Variants in USP54 observed in about 807,000 individuals in gnomAD.
USP54 encodes ubiquitin specific peptidase 54.
A neutral mutation model predicts 170.5 loss-of-function variants in USP54; 87 were observed. The observed-to-expected ratio is 0.51, with a 90% confidence interval of 0.43 to 0.61. The LOEUF (loss-of-function observed/expected upper bound fraction) is 0.61, where lower values mean the gene tolerates loss of function less well. Among genes scored for constraint, USP54 ranks in the 20% least tolerant of loss-of-function variants. USP54 has a pLI of 0.00. For synonymous variants in USP54, 655 were observed against 742.8 expected (o/e 0.88, Z 1.92); for missense variants, 1,786 against 2,047.8 (o/e 0.87, Z 2.47).
chr10:73,511,113 T>TTTG (rs1355542510), intron 20 of USP54, among the ~76,000 whole-genome samples: 4 of 150,732 alleles, frequency 2.7e-5, no homozygotes, highest in African/African-American at 9.8e-5. Flanking sequence ...TTTTTTTTTT[T>TTTG]TTTGAGACAG....
intron 12 of USP54, among the ~76,000 whole-genome samples, chr10:73,532,892 C>T (rs2133421187): frequency 6.6e-6 from 1 of 152,230 alleles, no homozygotes; most frequent in South Asian, 2.1e-4. Context: ...ATGCATAGAC[C>T]TCATTTAGAT....
At chr10:73,542,670 G>T (rs551014919) in intron 7 of USP54, 133 bp downstream of exon 7, 11 of 794,688 alleles carry the variant, frequency 1.4e-5, no homozygotes, top group Non-Finnish European at 2.2e-5. Flanking sequence ...GGCGGAGGTT[G>T]CAGTAAGCCG....
intron 11 of USP54, 136 bp downstream of exon 11, chr10:73,536,133 G>A (rs1230663878): frequency 8.1e-7 from 1 of 1,231,446 alleles, no homozygotes; most frequent in African/African-American, 1.5e-5. Context: ...GCACAAATTG[G>A]CACTTCTTTC....
chr10:73,563,970 A>G (rs2073721257), intron 4 of USP54, among the ~76,000 whole-genome samples: 1 of 149,716 alleles, frequency 6.7e-6, no homozygotes, highest in Admixed American at 6.7e-5. Flanking sequence ...AGGTCATGAT[A>G]CTCTCTCATA....
At chr10:73,620,753 C>G (rs1380660313) in intron 1 of USP54, among the ~76,000 whole-genome samples, 1 of 150,396 alleles carries the variant, frequency 6.6e-6, no homozygotes, top group African/African-American at 2.5e-5. Flanking sequence ...GCCTGCCCAA[C>G]ATGGTGAAAC....
upstream of USP54, among the ~76,000 whole-genome samples, chr10:73,593,130 G>T (rs1389748634): frequency 1.3e-5 from 2 of 152,030 alleles, no homozygotes; most frequent in Admixed American, 1.3e-4. Context: ...AGGCCATTGC[G>T]GGAGGATCAT....
chr10:73,613,445 AT>A (rs557903103), intron 1 of USP54, among the ~76,000 whole-genome samples: 2,316 of 144,608 alleles, frequency 0.016, 63 homozygotes, highest in African/African-American at 0.053. Context: ...GCCTACCACC[AT>A]TTTTTTTTTT....
intron 5 of USP54, among the ~76,000 whole-genome samples, chr10:73,544,756 C>T (rs2133549012): frequency 1.3e-5 from 2 of 152,126 alleles, no homozygotes; most frequent in South Asian, 4.2e-4. Context: ...CTGTGTCACC[C>T]AGGCTGGAGT....
At chr10:73,510,281 G>A (rs570700340) in intron 20 of USP54, among the ~76,000 whole-genome samples, 2 of 152,128 alleles carry the variant, frequency 1.3e-5, no homozygotes, top group East Asian at 3.9e-4. Flanking sequence ...GTTGCAGTGA[G>A]CCGAGACTGC....
At chr10:73,509,089 T>A (rs1428662114) in intron 20 of USP54, among the ~76,000 whole-genome samples, 9 of 64,494 alleles carry the variant, frequency 1.4e-4, no homozygotes, top group Admixed American at 8.0e-4. Context: ...GGAAAAAACA[T>A]AGGGTATCAT....
intron 12 of USP54, 106 bp from the exon 13 acceptor site, chr10:73,530,941 C>T (rs1330465387): frequency 2.7e-6 from 4 of 1,493,604 alleles, no homozygotes; most frequent in African/African-American, 1.4e-5. Context: ...TTAGAGTACC[C>T]ATGGAACAGA....
chr10:73,551,340 T>G (rs1190816095), intron 4 of USP54, among the ~76,000 whole-genome samples: 1 of 152,146 alleles, frequency 6.6e-6, no homozygotes, highest in Non-Finnish European at 1.5e-5. Flanking sequence ...TGGCTTAACC[T>G]AGAAATTTAT....
chr10:73,577,634 T>C (rs1365560575), intron 1 of USP54, among the ~76,000 whole-genome samples: 1 of 152,200 alleles, frequency 6.6e-6, no homozygotes, highest in Non-Finnish European at 1.5e-5. Flanking sequence ...TACAGAAAAG[T>C]AAAGAGAGGC....
At chr10:73,552,270 G>A (rs1056582824) in intron 4 of USP54, among the ~76,000 whole-genome samples, 32 of 152,086 alleles carry the variant, frequency 2.1e-4, no homozygotes, top group Admixed American at 7.9e-4. Flanking sequence ...AAAAGTAGCC[G>A]GGCGTTGCGG....
At chr10:73,577,958 T>G (rs879419335) in intron 1 of USP54, among the ~76,000 whole-genome samples, 1 of 152,178 alleles carries the variant, frequency 6.6e-6, no homozygotes, top group Non-Finnish European at 1.5e-5. Context: ...TGCAAAGGAA[T>G]GACAAGTACC....
chr10:73,505,139 T>C, intron 21 of USP54, 149 bp from the exon 22 acceptor site: 9 of 1,284,122 alleles, frequency 7.0e-6, no homozygotes, highest in Non-Finnish European at 9.8e-6. Context: ...ATAGTGGCCA[T>C]GTAACAATCT....
chr10:73,537,884 A>C (rs1039141142), intron 10 of USP54: 1 of 152,262 alleles, frequency 6.6e-6, no homozygotes, highest in Non-Finnish European at 1.5e-5. Context: ...TGCCTGAGGC[A>C]TGCCCAAGGA....
intron 5 of USP54, among the ~76,000 whole-genome samples, chr10:73,543,828 A>C (rs2067148479): frequency 6.6e-6 from 1 of 152,160 alleles, no homozygotes; most frequent in South Asian, 2.1e-4. Context: ...CATGCTAACC[A>C]TTTAGAGCCT....
rs2063774882 is a variant in USP54 at position 73,530,601 on chromosome 10, A to G, written c.1448-78T>C. On this transcript the variant is annotated intron_variant, in intron 13 of 23. Coordinates refer to ENST00000687698, the MANE Select transcript of USP54 (RefSeq NM_001391956.1). Reference sequence around the variant, plus strand: ...CTAGACCCCAATGTCGAAAAAGCAAAGAAAAGCCCTCTGAACAGAAAGGAG... The same window carrying G: ...CTAGACCCCAATGTCGAAAAAGCAAGGAAAAGCCCTCTGAACAGAAAGGAG... 6 of 1,565,372 alleles carry G rather than the reference A, an allele frequency of 3.8e-6. No homozygotes were observed. The South Asian group carries it at 7.3e-5, about 19-fold the overall frequency.
Sources: allele counts gnomAD v4.1 joint callset (sites outside exome capture counted in the v4.1 genomes callset), GRCh38; gene constraint gnomAD v4.1.1; transcripts MANE v1.5; gene names NCBI Gene and HGNC (gene_info 2026-07-23, HGNC 2026-07-21).